Variants in PTPRA observed in about 807,000 individuals in gnomAD.
PTPRA encodes the protein protein tyrosine phosphatase receptor type A, also known as receptor-type tyrosine-protein phosphatase alpha.
PTPRA carries 25 observed loss-of-function variants against 104.8 expected under a neutral mutation model. The ratio of observed to expected loss-of-function variants is 0.24; its 90% confidence interval spans 0.17 to 0.33. The LOEUF (loss-of-function observed/expected upper bound fraction) is 0.33. PTPRA is among the 10% of genes least tolerant of loss of function. PTPRA has a pLI of 1.00. For missense variants in PTPRA, 765 were observed against 1,015.3 expected (o/e 0.75, Z 3.35); for synonymous variants, 323 against 368.9 (o/e 0.88, Z 1.43).
At chr20:2,886,680 T>G (rs1470188006) in intron 1 of PTPRA, among the ~76,000 whole-genome samples, 2 of 122,212 alleles carry the variant, frequency 1.6e-5, no homozygotes, top group African/African-American at 5.3e-5. Flanking sequence ...CCCCCGTCTC[T>G]ACTAAAAAAA....
chr20:3,008,465 T>C (rs2063976956), intron 11 of PTPRA, among the ~76,000 whole-genome samples: 1 of 151,890 alleles, frequency 6.6e-6, no homozygotes, highest in African/African-American at 2.4e-5. Context: ...AGAATAGTGG[T>C]TGCTGGGGGA....
intron 2 of PTPRA, among the ~76,000 whole-genome samples, chr20:2,943,150 C>T (rs1326036354): frequency 3.3e-5 from 5 of 150,208 alleles, no homozygotes; most frequent in African/African-American, 7.4e-5. Flanking sequence ...ATACAGTTTA[C>T]GTAGGGTTCA....
chr20:2,918,687 G>A (rs917051108), intron 1 of PTPRA, among the ~76,000 whole-genome samples: 1 of 152,142 alleles, frequency 6.6e-6, no homozygotes, highest in Non-Finnish European at 1.5e-5. Flanking sequence ...AATATATGAC[G>A]GTTATACATT....
chr20:2,914,329 A>G (rs567070492), intron 1 of PTPRA, among the ~76,000 whole-genome samples: 10 of 152,152 alleles, frequency 6.6e-5, no homozygotes, highest in Non-Finnish European at 1.3e-4. Context: ...GCATTGTTCC[A>G]CTGAGGTGTC....
intron 6 of PTPRA, among the ~76,000 whole-genome samples, chr20:2,978,912 G>A (rs546595829): frequency 1.4e-4 from 21 of 152,320 alleles, no homozygotes; most frequent in African/African-American, 3.4e-4. Flanking sequence ...CTGCCTGAGC[G>A]TAGGAAGCTG....
chr20:2,924,295 A>ATTG (rs2060211255), intron 2 of PTPRA, among the ~76,000 whole-genome samples: 14 of 152,210 alleles, frequency 9.2e-5, no homozygotes, highest in Admixed American at 6.5e-4. Context: ...CCAGCTACTC[A>ATTG]GGAGGCTAAG....
intron 2 of PTPRA, among the ~76,000 whole-genome samples, chr20:2,924,015 A>G (rs908836477): frequency 2.6e-5 from 4 of 152,234 alleles, no homozygotes; most frequent in African/African-American, 9.6e-5. Flanking sequence ...AATGAAAAAT[A>G]TATGTCTACA....
At chr20:2,968,186 A>G (rs2062014847) in intron 5 of PTPRA, among the ~76,000 whole-genome samples, 1 of 152,178 alleles carries the variant, frequency 6.6e-6, no homozygotes, top group African/African-American at 2.4e-5. Flanking sequence ...GCATCCTTAC[A>G]TATCTAAAAA....
intron 5 of PTPRA, among the ~76,000 whole-genome samples, chr20:2,971,926 G>T (rs1036369084): frequency 5.9e-5 from 9 of 151,892 alleles, no homozygotes; most frequent in African/African-American, 2.2e-4. Context: ...CCTCCACCTC[G>T]CGGGTTCAAG....
chr20:2,918,440 C>T (rs2059987107), intron 1 of PTPRA, among the ~76,000 whole-genome samples: 1 of 152,178 alleles, frequency 6.6e-6, no homozygotes, highest in Non-Finnish European at 1.5e-5. Flanking sequence ...AGCAGCAAGA[C>T]CAGTGGTTGC....
chr20:2,894,349 CAG>C (rs939677366), intron 1 of PTPRA, among the ~76,000 whole-genome samples: 2 of 152,186 alleles, frequency 1.3e-5, no homozygotes, highest in African/African-American at 2.4e-5. Flanking sequence ...TTAAGTGAGT[CAG>C]GGGTTCCAAA....
intron 9 of PTPRA, among the ~76,000 whole-genome samples, chr20:2,989,214 C>G (rs2063038727): frequency 6.6e-6 from 1 of 152,132 alleles, no homozygotes; most frequent in Non-Finnish European, 1.5e-5. Context: ...GCGGGCACAT[C>G]ACGAGGTCAA....
At chr20:2,962,546 C>T (rs980669069) in intron 3 of PTPRA, among the ~76,000 whole-genome samples, 3 of 152,088 alleles carry the variant, frequency 2.0e-5, no homozygotes, top group Non-Finnish European at 4.4e-5. Context: ...TAATAGTCAG[C>T]CTTCCACTTG....
At chr20:2,866,497 T>C in the PTPRA span, 1 of 1,614,128 alleles carries the variant, frequency 6.2e-7, no homozygotes, top group East Asian at 2.2e-5. Flanking sequence ...CCTCGTATTG[T>C]CCCACTGCAC....
At chr20:2,914,445 CTG>C (rs35272226) in intron 1 of PTPRA, among the ~76,000 whole-genome samples, 24,243 of 144,784 alleles carry the variant, frequency 0.17, 3,188 homozygotes, top group African/African-American at 0.38. Flanking sequence ...ATTTCTTGCT[CTG>C]TGTGTGTGTG....
chr20:2,937,217 G>A (rs2060738928), intron 2 of PTPRA, among the ~76,000 whole-genome samples: 1 of 149,372 alleles, frequency 6.7e-6, no homozygotes, highest in South Asian at 2.1e-4. Context: ...TCCACCTCCC[G>A]GGTTCAAGCC....
intron 9 of PTPRA, among the ~76,000 whole-genome samples, chr20:2,989,833 C>T (rs530033420): frequency 4.7e-4 from 72 of 152,048 alleles, no homozygotes; most frequent in East Asian, 1.4e-3. Context: ...CTGGCTAACA[C>T]AGTGAAACCC....
In PTPRA at chr20:3,022,383, G is replaced by T. The variant is rs571294422; in HGVS notation, c.1328+163G>T. Among the ~76,000 whole-genome samples the T allele has an allele frequency of 2.6e-5, 4 of 152,328 alleles. No individual in the cohort carries two copies. Among genetic ancestry groups the T allele is most frequent in the Admixed American group, 6.5e-5 (1 of 15,308 alleles). ...AGACTCCAAGTTCTAGTGCAGGGTGGAGAATATGACTTGAGGAAGGAGGGT... is the reference window on the plus strand; with the variant it reads ...AGACTCCAAGTTCTAGTGCAGGGTGTAGAATATGACTTGAGGAAGGAGGGT... On this transcript the variant is annotated intron_variant, in intron 15 of 23. Transcript: ENST00000399903. This position sits in a 1 kb window ranked among gnomAD's most constrained non-coding sequence, Gnocchi z 4.6.
At chr20:2,909,880 TATTA>T (rs960244819) in intron 1 of PTPRA, among the ~76,000 whole-genome samples, 9 of 130,590 alleles carry the variant, frequency 6.9e-5, no homozygotes, top group East Asian at 6.2e-4. Flanking sequence ...AATTAAAATA[TATTA>T]ATTATAATAT....
Sources: allele counts gnomAD v4.1 joint callset (sites outside exome capture counted in the v4.1 genomes callset), GRCh38; gene constraint gnomAD v4.1.1; non-coding constraint Gnocchi (gnomAD v3.1); transcripts MANE v1.5; gene names NCBI Gene and HGNC (gene_info 2026-07-23, HGNC 2026-07-21).